MYL4: variants seen among roughly 807,000 people sequenced by gnomAD.
MYL4 encodes the protein atrial myosin light chain 1.
Under a neutral mutation model 21.6 loss-of-function variants are expected in MYL4, and 16 were observed. The ratio of observed to expected loss-of-function variants is 0.74; its 90% CI spans 0.50 to 1.12. MYL4 has a LOEUF of 1.12. Among genes scored for constraint, MYL4 ranks in the 50% most tolerant of loss-of-function variants. MYL4 has a pLI of 0.00. For missense variants in MYL4, 249 were observed against 252.9 expected, an observed-to-expected ratio of 0.98 and a Z score of 0.11; for synonymous variants, 82 against 95.7, an observed-to-expected ratio of 0.86 and a Z score of 0.83.
chr17:47,191,778 A>AT, the MYL4 span, among the ~76,000 whole-genome samples: 5 of 152,008 alleles, frequency 3.3e-5, no homozygotes, highest in Non-Finnish European at 5.9e-5. Context: ...CTGTATTTAC[A>AT]TTTTTTAGCA....
intron 1 of MYL4, among the ~76,000 whole-genome samples, chr17:47,212,203 C>T (rs142636567): frequency 1.6e-4 from 25 of 151,930 alleles, no homozygotes; most frequent in East Asian, 1.4e-3. Context: ...GTGACAAGTG[C>T]GAAACTCCAT....
the MYL4 span, among the ~76,000 whole-genome samples, chr17:47,192,043 CT>C: frequency 6.6e-6 from 1 of 152,190 alleles, no homozygotes; most frequent in Admixed American, 6.5e-5. Flanking sequence ...AGCCTTTTTT[CT>C]TTTTTTAACC....
At chr17:47,214,817 T>C (rs1323384155) in intron 2 of MYL4, among the ~76,000 whole-genome samples, 1 of 152,228 alleles carries the variant, frequency 6.6e-6, no homozygotes, top group African/African-American at 2.4e-5. Context: ...GTCCACCTTT[T>C]ATTAAATATA....
chr17:47,225,855 C>CTTTTTTTTTTTTTT (rs60342000), downstream of MYL4, among the ~76,000 whole-genome samples: 3 of 113,294 alleles, frequency 2.6e-5, no homozygotes, highest in Non-Finnish European at 3.5e-5. Context: ...TCCTTCCCTT[C>CTTTTTTTTTTTTTT]TTTTTTTTTT....
chr17:47,197,667 A>G (rs1039648410), upstream of MYL4, among the ~76,000 whole-genome samples: 3 of 102,458 alleles, frequency 2.9e-5, no homozygotes, highest in Non-Finnish European at 6.8e-5. Context: ...TCAGTACAGT[A>G]TTCAATACAT....
chr17:47,212,440 C>CA (rs1296498561), intron 1 of MYL4, among the ~76,000 whole-genome samples: 1 of 152,180 alleles, frequency 6.6e-6, no homozygotes, highest in Non-Finnish European at 1.5e-5. Flanking sequence ...TTCAAGGAGA[C>CA]AGAGTGCACG....
downstream of MYL4, among the ~76,000 whole-genome samples, chr17:47,224,047 G>A (rs1366654128): frequency 7.8e-6 from 1 of 129,012 alleles, no homozygotes; most frequent in Non-Finnish European, 1.7e-5. Flanking sequence ...AACAAAAATT[G>A]TTGTAAAATA....
At chr17:47,217,905 T>C (rs2064826704) in intron 2 of MYL4, among the ~76,000 whole-genome samples, 1 of 151,882 alleles carries the variant, frequency 6.6e-6, no homozygotes, top group Non-Finnish European at 1.5e-5. Flanking sequence ...TGGTGGCGCA[T>C]GCCTGTAATG....
chr17:47,193,731 C>CCTTT, the MYL4 span, among the ~76,000 whole-genome samples: 8 of 150,448 alleles, frequency 5.3e-5, no homozygotes, highest in East Asian at 1.9e-4. Context: ...TTCCTTCCTT[C>CCTTT]CTTTCTTTCT....
At chr17:47,224,768 C>G (rs1389018372), downstream of MYL4, among the ~76,000 whole-genome samples, 1 of 152,098 alleles carries the variant, frequency 6.6e-6, no homozygotes, top group East Asian at 1.9e-4. Flanking sequence ...GTGCAAAGCT[C>G]CTGGTACCTG....
chr17:47,220,498 G>A (rs944005352), intron 3 of MYL4, among the ~76,000 whole-genome samples: 2 of 152,328 alleles, frequency 1.3e-5, no homozygotes, highest in Non-Finnish European at 1.5e-5. Context: ...GAGTACTGAC[G>A]TTTGCAAATT....
chr17:47,211,991 G>A (rs1053548791), intron 1 of MYL4, among the ~76,000 whole-genome samples: 1 of 152,150 alleles, frequency 6.6e-6, no homozygotes, highest in Non-Finnish European at 1.5e-5. Context: ...TTGGGAGGTC[G>A]AGGCAGGTGG....
the MYL4 span, among the ~76,000 whole-genome samples, chr17:47,192,432 A>G: frequency 1.3e-5 from 2 of 151,604 alleles, no homozygotes; most frequent in African/African-American, 4.9e-5. Context: ...GGCAGATCAC[A>G]AGGTCAGGAG....
upstream of MYL4, among the ~76,000 whole-genome samples, chr17:47,196,913 A>G (rs1298332950): frequency 6.6e-6 from 1 of 152,000 alleles, no homozygotes. Context: ...AAAATATTAT[A>G]ATATTTCGCT....
chr17:47,202,563 T>C (rs2064713437), intron 1 of MYL4, among the ~76,000 whole-genome samples: 2 of 152,228 alleles, frequency 1.3e-5, no homozygotes, highest in Admixed American at 1.3e-4. Flanking sequence ...TTTAGCAGAA[T>C]TGACTTGACT....
chr17:47,194,011 A>T, the MYL4 span, among the ~76,000 whole-genome samples: 2 of 152,314 alleles, frequency 1.3e-5, no homozygotes, highest in South Asian at 4.1e-4. Flanking sequence ...TGGCCTCCCA[A>T]AGTGCTGGGA....
Position 47,209,506 on chromosome 17 carries a change from C to A in MYL4, c.84C>A (p.Ala28=), listed in dbSNP as rs1351846272. ...APAPAPAPAP[A]PAPEAPKEPA... ...CTCCAGCCCCTGCACCAGCCCCTGCCCCAGCTCCTGAGGCTCCCAAGGAAC... is the reference window on the plus strand; with the variant it reads ...CTCCAGCCCCTGCACCAGCCCCTGCACCAGCTCCTGAGGCTCCCAAGGAAC... The change falls in exon 1 of 7, where the codon GCC becomes GCA. Residue 28 remains alanine, a synonymous_variant. Coordinates refer to ENST00000393450, the MANE Select transcript of MYL4 (RefSeq NM_002476.2). 10 of 1,614,230 alleles carry A rather than the reference C, an allele frequency of 6.2e-6. No individual in the cohort carries two copies. The highest frequency in any genetic ancestry group is 1.7e-5 in the Admixed American group (1 of 60,036).
At chr17:47,206,957 C>A (rs1387712429), upstream of MYL4, among the ~76,000 whole-genome samples, 1 of 152,168 alleles carries the variant, frequency 6.6e-6, no homozygotes, top group Admixed American at 6.5e-5. Flanking sequence ...TCGTCACCAA[C>A]AACCTGAACT....
chr17:47,209,508 C>T lies in MYL4; in HGVS notation c.86C>T (p.Pro29Leu), dbSNP rs143784817. ...PAPAPAPAPAPAPEAPKEPAF... is the reference protein window; with the variant it reads ...PAPAPAPAPALAPEAPKEPAF... ...CCAGCCCCTGCACCAGCCCCTGCCC[C>T]AGCTCCTGAGGCTCCCAAGGAACCT... The change falls in exon 1 of 7, where the codon CCA (proline) becomes CTA (leucine). Residue 29 changes from proline (P) to leucine (L), a missense_variant. Coordinates refer to ENST00000393450, the MANE Select transcript of MYL4 (RefSeq NM_002476.2). 3.1e-6 allele frequency: 5 copies of T among 1,614,158 alleles called. No homozygotes were observed. The African/African-American group carries it at 5.3e-5, about 17-fold the overall frequency.
Sources: allele counts gnomAD v4.1 joint callset (sites outside exome capture counted in the v4.1 genomes callset), GRCh38; gene constraint gnomAD v4.1.1; transcripts MANE v1.5; gene names NCBI Gene and HGNC (gene_info 2026-07-23, HGNC 2026-07-21).